The following SMOC2 variants were observed in gnomAD, a reference collection of about 807,000 sequenced individuals.
SMOC2 encodes SPARC related modular calcium binding 2, also known as SPARC-related modular calcium-binding protein 2.
In SMOC2, 39 loss-of-function variants were observed where a neutral mutation model predicts 61.4. The ratio of observed to expected loss-of-function variants is 0.64; its 90% confidence interval spans 0.49 to 0.83. The LOEUF is 0.83. Among genes scored for constraint, SMOC2 ranks in the 40% least tolerant of loss-of-function variants. The pLI is 0.00. For missense variants in SMOC2, 556 were observed against 592.9 expected (o/e 0.94, Z 0.65); for synonymous variants, 247 against 239.9 (o/e 1.03, Z -0.27).
At chr6:168,549,088 T>C in intron 6 of SMOC2, 41 bp from the exon 7 acceptor site, 1 of 1,540,302 alleles carries the variant, frequency 6.5e-7, no homozygotes, top group Non-Finnish European at 9.0e-7. Context: ...TGTGCTTTCG[T>C]GATGAATTAA....
intron 4 of SMOC2, among the ~76,000 whole-genome samples, chr6:168,538,114 G>GT (rs1783776936): frequency 2.0e-5 from 3 of 149,780 alleles, no homozygotes; most frequent in African/African-American, 2.5e-5. Flanking sequence ...CTGTAATCTG[G>GT]GGAGTAGGGT....
chr6:168,490,936 AGCGGGGGCG>A (rs1400040907), intron 1 of SMOC2, among the ~76,000 whole-genome samples: 2 of 152,166 alleles, frequency 1.3e-5, no homozygotes, highest in Non-Finnish European at 2.9e-5. Flanking sequence ...AGCTGGGGGC[AGCGGGGGCG>A]GCTGGTCTCA....
rs889116404 is a variant in SMOC2, at chr6:168,523,645, C to T, written c.257-2701C>T. 3.3e-5 allele frequency among the ~76,000 whole-genome samples: 5 copies of T among 151,884 alleles called. No individual in the cohort carries two copies. The South Asian group carries it at 8.3e-4, about 25-fold the overall frequency. ...TCATCTCCTGACCTCGTGATGCGCC[C>T]ACCTCAGCCTCCCAAAGTGCTGGGA... On this transcript the variant is annotated intron_variant, in intron 2 of 12. Transcript: ENST00000356284.
intron 9 of SMOC2, among the ~76,000 whole-genome samples, chr6:168,644,135 T>C (rs947983781): frequency 6.6e-6 from 1 of 152,250 alleles, no homozygotes; most frequent in Non-Finnish European, 1.5e-5. Flanking sequence ...ACTCTGGCAA[T>C]GTCAGGATTT....
chr6:168,464,434 C>G (rs541464262), intron 1 of SMOC2, among the ~76,000 whole-genome samples: 17 of 152,040 alleles, frequency 1.1e-4, no homozygotes, highest in Admixed American at 1.1e-3. Flanking sequence ...GCAGCCTGTC[C>G]GGTGCCATTC....
At chr6:168,603,343 G>A (rs1326452150) in intron 8 of SMOC2, among the ~76,000 whole-genome samples, 2 of 150,312 alleles carry the variant, frequency 1.3e-5, no homozygotes, top group African/African-American at 4.9e-5. Context: ...TAGGGGTGGG[G>A]CAGATGGGGA....
intron 1 of SMOC2, among the ~76,000 whole-genome samples, chr6:168,458,233 C>T (rs568615248): frequency 3.9e-5 from 6 of 152,210 alleles, no homozygotes; most frequent in East Asian, 1.9e-4. Flanking sequence ...GGGAGGGAGA[C>T]GGTCTCACCC....
rs142659884 is a variant in SMOC2 at position 168,628,403 on chromosome 6, G to A, written c.907+20164G>A. ...CACTGAGCTTTAAGTGAAACACTTC[G>A]TTCCAAAATGGAACTGGATTTCTGT... On this transcript the variant is annotated intron_variant, in intron 9 of 12. Transcript: ENST00000356284. Among the ~76,000 whole-genome samples, 30 of 152,266 alleles carry A rather than the reference G, an allele frequency of 2.0e-4. No individual in the cohort carries two copies. In the East Asian group the frequency reaches 2.5e-3, roughly 13 times the overall value.
intron 12 of SMOC2, 79 bp downstream of exon 12, chr6:168,664,190 G>T (rs996952480): frequency 5.3e-6 from 6 of 1,127,064 alleles, no homozygotes; most frequent in African/African-American, 4.7e-5. Flanking sequence ...ATGTAGATTT[G>T]CAATGGCCAG....
At chr6:168,586,667 G>C (rs758562379) in intron 7 of SMOC2, among the ~76,000 whole-genome samples, 1 of 152,034 alleles carries the variant, frequency 6.6e-6, no homozygotes, top group Non-Finnish European at 1.5e-5. Context: ...AATGCTTTTA[G>C]TTTTCAATGT....
intron 4 of SMOC2, among the ~76,000 whole-genome samples, chr6:168,540,594 T>C (rs1028794027): frequency 6.8e-6 from 1 of 146,984 alleles, no homozygotes; most frequent in Non-Finnish European, 1.5e-5. Flanking sequence ...CTGCTGCCCA[T>C]GCCCTGTCTT....
intron 9 of SMOC2, among the ~76,000 whole-genome samples, chr6:168,632,939 G>A (rs1355533299): frequency 1.3e-5 from 2 of 152,180 alleles, no homozygotes; most frequent in East Asian, 1.9e-4. Context: ...TTCCTCTCAG[G>A]TCTGCAGGTG....
At chr6:168,519,778 C>A (rs2609297) in intron 2 of SMOC2, among the ~76,000 whole-genome samples, 147,577 of 152,272 alleles carry the variant, frequency 0.97, 71,530 homozygotes, top group East Asian at 1. Context: ...CGATCTGTTG[C>A]AAATCACTGA....
chr6:168,662,009 A>G (rs963879581), intron 11 of SMOC2, among the ~76,000 whole-genome samples: 12 of 152,136 alleles, frequency 7.9e-5, no homozygotes, highest in Non-Finnish European at 1.8e-4. Context: ...CTCTGTTTCT[A>G]TTTGCGTTAT....
chr6:168,481,910 G>C (rs1764360633), intron 1 of SMOC2, among the ~76,000 whole-genome samples: 1 of 151,586 alleles, frequency 6.6e-6, no homozygotes, highest in African/African-American at 2.4e-5. Context: ...AGTTGTAAGG[G>C]AAAAATGTAT....
chr6:168,464,644 T>G (rs1050186991), intron 1 of SMOC2, among the ~76,000 whole-genome samples: 16 of 152,094 alleles, frequency 1.1e-4, no homozygotes, highest in Non-Finnish European at 1.9e-4. Context: ...GTATTTCCAC[T>G]AAGCCACAAA....
rs893032457 is a variant in SMOC2 at position 168,457,185 on chromosome 6, G to A, written c.84+15731G>A. On this transcript the variant is annotated intron_variant, in intron 1 of 12. Transcript: ENST00000356284. ...CTGGAGATGGCAGCTCCTCTGGACC[G>A]TCCACGAGGGCTGCCAGGAGGAACG... is the stretch of plus-strand genomic sequence containing the variant. Among the ~76,000 whole-genome samples, 102 of 152,156 alleles carry A rather than the reference G, an allele frequency of 6.7e-4. 1 individual carries two copies. Among genetic ancestry groups the A allele is most frequent in the African/African-American group, 3.4e-4 (14 of 41,432 alleles).
intron 1 of SMOC2, among the ~76,000 whole-genome samples, chr6:168,486,538 T>C (rs1253811698): frequency 1.3e-5 from 2 of 151,964 alleles, no homozygotes; most frequent in African/African-American, 4.8e-5. Context: ...GAAGTTTGAT[T>C]TGGCGTATTC....
chr6:168,549,017 G>A (rs1040092881), intron 6 of SMOC2, 112 bp from the exon 7 acceptor site: 1 of 775,952 alleles, frequency 1.3e-6, no homozygotes, highest in Non-Finnish European at 2.3e-6. Context: ...TGTACAATGT[G>A]TGTTATGTTG....
Sources: gnomAD v4.1 joint callset for allele counts (sites outside exome capture counted in the v4.1 genomes callset) on GRCh38, gnomAD v4.1.1 for gene constraint, MANE v1.5 for transcripts, NCBI Gene and HGNC (gene_info 2026-07-23, HGNC 2026-07-21) for gene names.